Variants in DNM3 observed in about 807,000 individuals in gnomAD.
The protein encoded by DNM3 is dynamin 3.
Under a neutral mutation model 101.6 loss-of-function variants are expected in DNM3, and 47 were observed. That is an observed-to-expected ratio of 0.46 (90% CI 0.37 to 0.59). The LOEUF (loss-of-function observed/expected upper bound fraction) is 0.59. DNM3 is among the 20% of genes least tolerant of loss of function. The pLI is 0.00. For missense variants in DNM3, 849 were observed against 1,085.7 expected (o/e 0.78, Z 3.06); for synonymous variants, 385 against 387.9 (o/e 0.99, Z 0.09).
intron 14 of DNM3, among the ~76,000 whole-genome samples, chr1:172,232,367 G>A (rs1427727677): frequency 5.3e-5 from 8 of 152,064 alleles, no homozygotes; most frequent in Non-Finnish European, 1.0e-4. Context: ...ACCCAATACA[G>A]GAGCACCCAG....
chr1:171,921,409 C>T (rs966485826), intron 1 of DNM3, among the ~76,000 whole-genome samples: 1 of 152,136 alleles, frequency 6.6e-6, no homozygotes, highest in Admixed American at 6.6e-5. Context: ...TTCAGTATCA[C>T]ATATTTTCTT....
chr1:172,377,845 A>AATT (rs1446650504), intron 17 of DNM3, among the ~76,000 whole-genome samples: 2 of 151,922 alleles, frequency 1.3e-5, no homozygotes, highest in Admixed American at 6.6e-5. Context: ...GCCTATATAA[A>AATT]TGATTAGAAC....
At chr1:172,368,625 G>A (rs1477515364) in intron 17 of DNM3, among the ~76,000 whole-genome samples, 1 of 151,736 alleles carries the variant, frequency 6.6e-6, no homozygotes, top group East Asian at 1.9e-4. Flanking sequence ...ATAAAGATCA[G>A]CGCAGAAACA....
chr1:172,232,281 G>A (rs1292641908), intron 14 of DNM3, among the ~76,000 whole-genome samples: 1 of 152,114 alleles, frequency 6.6e-6, no homozygotes, highest in East Asian at 1.9e-4. Context: ...AAAGATCAAA[G>A]AGACAAAGAA....
Position 171,955,950 on chromosome 1 carries a change from G to C in DNM3, c.236-31706G>C, listed in dbSNP as rs774981596. ...TTTATAAAATGATCAATCTCATGAG[G>C]CTTCTTCACTATCACGAGAACAGCA... is the stretch of plus-strand genomic sequence containing the variant. On this transcript the variant is annotated intron_variant, in intron 2 of 20. Coordinates refer to ENST00000627582, the MANE Select transcript of DNM3 (RefSeq NM_015569.5). Among the ~76,000 whole-genome samples, 3 of 152,092 alleles carry C rather than the reference G, an allele frequency of 2.0e-5. No individual in the cohort carries two copies. The South Asian group carries it at 6.2e-4, about 32-fold the overall frequency.
At chr1:172,138,797 C>A in intron 14 of DNM3, 1 of 420,852 alleles carries the variant, frequency 2.4e-6, no homozygotes, top group South Asian at 1.8e-5. Context: ...GGTTGTCATT[C>A]AGGCTGGGTT....
At chr1:172,101,090 C>G (rs1047224875) in intron 13 of DNM3, among the ~76,000 whole-genome samples, 13 of 152,088 alleles carry the variant, frequency 8.5e-5, no homozygotes, top group Non-Finnish European at 1.9e-4. Context: ...TGCCTCTCCC[C>G]CTGAAAGAGC....
chr1:172,352,378 T>C (rs2067239248), intron 17 of DNM3, among the ~76,000 whole-genome samples: 2 of 152,286 alleles, frequency 1.3e-5, no homozygotes, highest in African/African-American at 4.8e-5. Context: ...ATATGAGTGT[T>C]AACTGGAAAT....
chr1:172,130,351 A>G (rs1208778708), intron 13 of DNM3, among the ~76,000 whole-genome samples: 2 of 152,158 alleles, frequency 1.3e-5, no homozygotes, highest in African/African-American at 2.4e-5. Context: ...CCCTCTGGAT[A>G]ACAGAATTTA....
intron 14 of DNM3, among the ~76,000 whole-genome samples, chr1:172,236,316 A>C (rs2061543800): frequency 6.6e-6 from 1 of 152,150 alleles, no homozygotes; most frequent in Non-Finnish European, 1.5e-5. Flanking sequence ...GAACCTATAA[A>C]AAATAATGTA....
intron 13 of DNM3, among the ~76,000 whole-genome samples, chr1:172,107,484 T>A (rs927277772): frequency 1.3e-5 from 2 of 152,180 alleles, no homozygotes; most frequent in African/African-American, 4.8e-5. Flanking sequence ...CACAGGGATG[T>A]CAATTTCTTC....
chr1:172,144,647 T>C (rs765273110), intron 14 of DNM3: 5 of 532,144 alleles, frequency 9.4e-6, no homozygotes, highest in Non-Finnish European at 1.9e-5. Context: ...AGCTTCCTTC[T>C]ATGTACTTAA....
intron 6 of DNM3, among the ~76,000 whole-genome samples, chr1:172,034,176 ATTATG>A (rs978593841): frequency 6.6e-6 from 1 of 152,180 alleles, no homozygotes; most frequent in Non-Finnish European, 1.5e-5. Flanking sequence ...AAAATAAAAA[ATTATG>A]TTATAATTCC....
chr1:172,348,195 A>G (rs1037346383), intron 17 of DNM3, among the ~76,000 whole-genome samples: 2 of 152,226 alleles, frequency 1.3e-5, no homozygotes, highest in East Asian at 3.8e-4. Context: ...AGTTAATCCA[A>G]TTCCGTATAC....
chr1:172,215,176 T>C (rs1230574760), intron 14 of DNM3, among the ~76,000 whole-genome samples: 1 of 152,126 alleles, frequency 6.6e-6, no homozygotes. Flanking sequence ...ACTCTTTTAG[T>C]AGTCATTGTT....
chr1:172,259,946 A>G (rs1180495210), intron 15 of DNM3, among the ~76,000 whole-genome samples: 1 of 151,946 alleles, frequency 6.6e-6, no homozygotes, highest in African/African-American at 2.4e-5. Context: ...GTGTTTTCAT[A>G]ATGGTAGTTA....
chr1:171,865,991 A>G (rs1055066147), intron 1 of DNM3, among the ~76,000 whole-genome samples: 1 of 151,908 alleles, frequency 6.6e-6, no homozygotes, highest in Non-Finnish European at 1.5e-5. Flanking sequence ...TAATCAACAA[A>G]CCTTGAAGCT....
At chr1:172,242,731 C>T (rs2061795740) in intron 14 of DNM3, among the ~76,000 whole-genome samples, 1 of 152,204 alleles carries the variant, frequency 6.6e-6, no homozygotes, top group Admixed American at 6.5e-5. Context: ...GCATGAGCTC[C>T]TGTACCTGGC....
intron 2 of DNM3, among the ~76,000 whole-genome samples, chr1:171,925,550 GTTAT>G (rs1361004090): frequency 6.6e-6 from 1 of 152,114 alleles, no homozygotes; most frequent in African/African-American, 2.4e-5. Flanking sequence ...TTTTAATGGG[GTTAT>G]TTGTTTTTTT....
Sources: gnomAD v4.1 joint callset for allele counts (sites outside exome capture counted in the v4.1 genomes callset) on GRCh38, gnomAD v4.1.1 for gene constraint, MANE v1.5 for transcripts, NCBI Gene and HGNC (gene_info 2026-07-23, HGNC 2026-07-21) for gene names.